The following PLAUR variants were observed in gnomAD, a reference collection of about 807,000 sequenced individuals.
The protein encoded by PLAUR is urokinase plasminogen activator surface receptor.
A neutral mutation model predicts 33.4 loss-of-function variants in PLAUR; 22 were observed. The ratio of observed to expected loss-of-function variants is 0.66; its 90% CI spans 0.47 to 0.94. The LOEUF is 0.94. Ranked by LOEUF, PLAUR falls within the 40% of genes least tolerant of loss-of-function variation. The probability of loss-of-function intolerance (pLI) is 0.00; values close to 1 mark genes in which losing one functional copy is unlikely to be tolerated. For missense variants in PLAUR, 408 were observed against 434.7 expected, an observed-to-expected ratio of 0.94 and a Z score of 0.55; for synonymous variants, 148 against 167.3, an observed-to-expected ratio of 0.88 and a Z score of 0.89.
chr19:43,668,493 G>T (rs1967367925), intron 1 of PLAUR, among the ~76,000 whole-genome samples: 1 of 140,740 alleles, frequency 7.1e-6, no homozygotes, highest in Admixed American at 7.6e-5. Flanking sequence ...TTCTAACTTC[G>T]CCCTTTAGCT....
intron 1 of PLAUR, chr19:43,667,952 A>G (rs1967333302): frequency 2.3e-6 from 3 of 1,330,454 alleles, no homozygotes; most frequent in African/African-American, 3.0e-5. Context: ...TTTTCCTTTC[A>G]TTCTGTCCTC....
At chr19:43,647,254 C>T (rs771389082), downstream of PLAUR, among the ~76,000 whole-genome samples, 22 of 152,218 alleles carry the variant, frequency 1.4e-4, no homozygotes, top group African/African-American at 4.8e-5. Flanking sequence ...TGAGGCATCC[C>T]GGGAAATAGA....
At chr19:43,650,897 G>T (rs1973965813) in intron 6 of PLAUR, among the ~76,000 whole-genome samples, 1 of 151,634 alleles carries the variant, frequency 6.6e-6, no homozygotes, top group African/African-American at 2.4e-5. Context: ...GCTGGGCATG[G>T]TGGCTCATGC....
chr19:43,655,274 C>CT (rs1428808433), intron 5 of PLAUR, among the ~76,000 whole-genome samples, 165 bp downstream of exon 5: 6 of 80,476 alleles, frequency 7.5e-5, no homozygotes, highest in Non-Finnish European at 1.0e-4. Context: ...GAGACTCCGT[C>CT]TCAAAAAAAA....
chr19:43,646,314 G>T, downstream of PLAUR: 1 of 606,290 alleles, frequency 1.6e-6, no homozygotes, highest in East Asian at 2.8e-5. Context: ...GGCAGCCCTA[G>T]GAAACTAATA....
rs146705240 is a variant in PLAUR at position 43,663,552 on chromosome 19, C to T, written c.310+1764G>A. 3.8e-3 allele frequency among the ~76,000 whole-genome samples: 583 copies of T among 152,074 alleles called. 5 individuals carry two copies. Among genetic ancestry groups the T allele is most frequent in the African/African-American group, 0.013 (557 of 41,506 alleles). On this transcript the variant is annotated intron_variant, in intron 3 of 6. Coordinates refer to ENST00000340093, the MANE Select transcript of PLAUR (RefSeq NM_002659.4). ...ATCCCAGCACTTTGGGAGGCTGAGG[C>T]GGGCAGATCACCTGAGGTCAGGAGT...
At chr19:43,646,293 A>G, downstream of PLAUR, 1 of 587,374 alleles carries the variant, frequency 1.7e-6, no homozygotes, top group South Asian at 2.1e-5. Flanking sequence ...AGTTTGTAAT[A>G]ATTTATCACA....
chr19:43,655,915 C>T (rs965361739), intron 4 of PLAUR, among the ~76,000 whole-genome samples: 3 of 152,048 alleles, frequency 2.0e-5, no homozygotes, highest in African/African-American at 7.2e-5. Context: ...GCTCTGGCAG[C>T]CATTTTAGAC....
intron 6 of PLAUR, among the ~76,000 whole-genome samples, chr19:43,650,531 G>C (rs1474941555): frequency 6.6e-6 from 1 of 151,490 alleles, no homozygotes; most frequent in Admixed American, 6.6e-5. Context: ...TTGCTATGTT[G>C]CCCAGGCTGG....
At chr19:43,667,835 C>G (rs1422157412) in intron 1 of PLAUR, 144 bp from the exon 2 acceptor site, 2 of 1,460,058 alleles carry the variant, frequency 1.4e-6, no homozygotes, top group East Asian at 5.0e-5. Context: ...GGGTTCCGGC[C>G]GGCGGTACTT....
At chr19:43,649,366 A>T (rs1255302016) in intron 6 of PLAUR, among the ~76,000 whole-genome samples, 1 of 152,036 alleles carries the variant, frequency 6.6e-6, no homozygotes, top group African/African-American at 2.4e-5. Context: ...ACCAGCCTGG[A>T]CAACATAGCA....
In PLAUR at chr19:43,667,567, G is replaced by T. The variant is rs368753188; in HGVS notation, c.166+14C>A. On this transcript the variant is annotated intron_variant, in intron 2 of 6. Transcript: ENST00000340093. The stretch of plus-strand genomic sequence containing the variant: ...GCTGCGCTGGAGGGGTGTGTGGGTT[G>T]GGGGGAAGCTCACCTTCCCACAAGC... 3.2e-6 allele frequency: 5 copies of T among 1,564,716 alleles called. No individual in the cohort carries two copies. In the African/African-American group the frequency reaches 5.4e-5, roughly 17 times the overall value.
chr19:43,667,597 G>A lies in PLAUR; in HGVS notation c.150C>T (p.Ile50=). 6.2e-7 allele frequency: 1 copy of A among 1,613,412 alleles called. No individual in the cohort carries two copies. Among genetic ancestry groups the A allele is most frequent in the South Asian group, 1.1e-5 (1 of 91,062 alleles). The change falls in exon 2 of 7, where the codon ATC becomes ATT. Residue 50 remains isoleucine, a synonymous_variant. Transcript: ENST00000340093. The part of the protein sequence containing the change: ...ALGQDLCRTT[I]VRLWEEGEEL... Reference sequence around the variant, plus strand: ...GAAGCTCACCTTCCCACAAGCGCACGATCGTGGTCCTGCAGAGGTCCTGTC... The same window carrying A: ...GAAGCTCACCTTCCCACAAGCGCACAATCGTGGTCCTGCAGAGGTCCTGTC...
At chr19:43,662,907 G>A (rs1967067434) in intron 3 of PLAUR, among the ~76,000 whole-genome samples, 1 of 152,202 alleles carries the variant, frequency 6.6e-6, no homozygotes, top group East Asian at 1.9e-4. Flanking sequence ...GTAGAGTCAT[G>A]TTGCCTAGGC....
At chr19:43,656,727 C>T (rs889673164) in intron 3 of PLAUR, 87 bp from the exon 4 acceptor site, 4 of 1,090,778 alleles carry the variant, frequency 3.7e-6, no homozygotes, top group Admixed American at 2.6e-5. Context: ...AAATCAATTC[C>T]TCCTTATCCC....
intron 1 of PLAUR, among the ~76,000 whole-genome samples, chr19:43,669,500 G>C (rs1026292553): frequency 4.6e-5 from 7 of 152,220 alleles, no homozygotes; most frequent in Admixed American, 4.6e-4. Context: ...AAGAGGCTTC[G>C]AAGAACTCCA....
intron 4 of PLAUR, among the ~76,000 whole-genome samples, chr19:43,655,905 G>A (rs1429022296): frequency 1.3e-5 from 2 of 152,118 alleles, no homozygotes; most frequent in African/African-American, 2.4e-5. Flanking sequence ...GAGACCCGGA[G>A]CTCTGGCAGC....
At chr19:43,668,769 G>T (rs531241676) in intron 1 of PLAUR, among the ~76,000 whole-genome samples, 2 of 150,856 alleles carry the variant, frequency 1.3e-5, no homozygotes, top group East Asian at 4.0e-4. Flanking sequence ...TCCTCCCGAG[G>T]TTATAACTCC....
Position 43,665,448 on chromosome 19 carries a change from G to T in PLAUR, c.178C>A (p.Leu60Met), listed in dbSNP as rs748557493. Reference protein sequence around the residue: ...IVRLWEEGEELELVEKSCTHS... With the variant: ...IVRLWEEGEEMELVEKSCTHS... ...GTACAGCTTTTCTCCACCAGCTCCAGCTCTTCTCCTTCTGCAAGGAGGGGA... is the reference window on the plus strand; with the variant it reads ...GTACAGCTTTTCTCCACCAGCTCCATCTCTTCTCCTTCTGCAAGGAGGGGA... The change falls in exon 3 of 7, where the codon CTG becomes ATG. Residue 60 changes from leucine (L) to methionine (M), a missense_variant. Physicochemically the swap from Leu to Met is conservative, Grantham distance 15 (BLOSUM62 2). Transcript: ENST00000340093. The T allele has an allele frequency of 6.2e-7, 1 of 1,613,080 alleles. No individual in the cohort carries two copies. Among genetic ancestry groups the T allele is most frequent in the Admixed American group, 1.7e-5 (1 of 59,870 alleles).
Sources: gnomAD v4.1 joint callset for allele counts (sites outside exome capture counted in the v4.1 genomes callset) on GRCh38, gnomAD v4.1.1 for gene constraint, MANE v1.5 for transcripts, NCBI Gene and HGNC (gene_info 2026-07-23, HGNC 2026-07-21) for gene names.